NELL1: variants seen among roughly 807,000 people sequenced by gnomAD.
The protein encoded by NELL1 is neural EGFL like 1, also known as protein kinase C-binding protein NELL1.
In NELL1, 76 loss-of-function variants were observed where a neutral mutation model predicts 107.4. That is an observed-to-expected ratio of 0.71 (90% CI 0.59 to 0.86). The LOEUF (loss-of-function observed/expected upper bound fraction) is 0.86. Ranked by LOEUF, NELL1 falls within the 40% of genes least tolerant of loss-of-function variation. The pLI is 0.00. For synonymous variants in NELL1, 353 were observed against 341.2 expected (o/e 1.03, Z -0.38); for missense variants, 1,024 against 1,005.5 (o/e 1.02, Z -0.25).
intron 15 of NELL1, among the ~76,000 whole-genome samples, chr11:21,419,833 G>A (rs1433637545): frequency 6.6e-6 from 1 of 152,144 alleles, no homozygotes; most frequent in Non-Finnish European, 1.5e-5. Context: ...CTTTCATGAA[G>A]TACAGATCAT....
chr11:20,812,575 T>A (rs1312206648), intron 3 of NELL1, among the ~76,000 whole-genome samples: 1 of 152,198 alleles, frequency 6.6e-6, no homozygotes, highest in African/African-American at 2.4e-5. Flanking sequence ...CATGCTAAGA[T>A]GGTTATTTTT....
intron 12 of NELL1, among the ~76,000 whole-genome samples, chr11:21,112,595 C>T (rs772541339): frequency 2.6e-5 from 4 of 151,914 alleles, no homozygotes; most frequent in East Asian, 1.9e-4. Flanking sequence ...GACTATAAAA[C>T]GGGAGTAGTG....
At chr11:21,312,104 G>T (rs1849762569) in intron 14 of NELL1, among the ~76,000 whole-genome samples, 1 of 152,114 alleles carries the variant, frequency 6.6e-6, no homozygotes, top group Non-Finnish European at 1.5e-5. Context: ...AGCCTCCAGA[G>T]AATTCAATTT....
chr11:21,361,383 G>A (rs984422796), intron 14 of NELL1, among the ~76,000 whole-genome samples: 1 of 149,744 alleles, frequency 6.7e-6, no homozygotes, highest in Non-Finnish European at 1.5e-5. Flanking sequence ...TCCTTTATAG[G>A]TTAACTGATA....
intron 14 of NELL1, among the ~76,000 whole-genome samples, chr11:21,255,150 G>T (rs1208705522): frequency 6.6e-6 from 1 of 152,054 alleles, no homozygotes; most frequent in East Asian, 1.9e-4. Flanking sequence ...GGTCTTAAAA[G>T]AACTATTCGG....
At chr11:21,078,534 A>G (rs192279892) in intron 12 of NELL1, among the ~76,000 whole-genome samples, 2 of 152,278 alleles carry the variant, frequency 1.3e-5, no homozygotes, top group Admixed American at 1.3e-4. Flanking sequence ...TCATGGTGCA[A>G]CCGCAAGGGA....
At chr11:20,967,073 C>T (rs116833981) in intron 12 of NELL1, among the ~76,000 whole-genome samples, 3,277 of 152,092 alleles carry the variant, frequency 0.022, 118 homozygotes, top group African/African-American at 0.074. Context: ...TTTTTTACCA[C>T]GCTTCATGCT....
At chr11:21,178,008 T>C (rs1472732146) in intron 13 of NELL1, among the ~76,000 whole-genome samples, 2 of 151,916 alleles carry the variant, frequency 1.3e-5, no homozygotes, top group African/African-American at 4.9e-5. Context: ...TTATATACTT[T>C]GAATATTACT....
chr11:21,221,244 G>A (rs898294267), intron 13 of NELL1, among the ~76,000 whole-genome samples: 1 of 152,150 alleles, frequency 6.6e-6, no homozygotes, highest in African/African-American at 2.4e-5. Context: ...CTTGATCATG[G>A]TGTATAATCT....
At chr11:21,311,262 C>T (rs956909389) in intron 14 of NELL1, among the ~76,000 whole-genome samples, 1 of 152,072 alleles carries the variant, frequency 6.6e-6, no homozygotes, top group Non-Finnish European at 1.5e-5. Context: ...AGAAAGACAG[C>T]ATAAATCTGT....
chr11:21,112,461 T>G (rs186669158), intron 12 of NELL1, among the ~76,000 whole-genome samples: 1 of 152,024 alleles, frequency 6.6e-6, no homozygotes, highest in Admixed American at 6.6e-5. Flanking sequence ...TAATCACCAT[T>G]TTCAAGAAGC....
chr11:21,325,659 C>G (rs560841363), intron 14 of NELL1, among the ~76,000 whole-genome samples: 1 of 151,806 alleles, frequency 6.6e-6, no homozygotes, highest in Admixed American at 6.6e-5. Flanking sequence ...CAGTGAAATA[C>G]GTAAATCACA....
chr11:21,405,544 T>G (rs1852215116), intron 15 of NELL1, among the ~76,000 whole-genome samples: 1 of 151,974 alleles, frequency 6.6e-6, no homozygotes, highest in Admixed American at 6.6e-5. Context: ...CATAAGAAAG[T>G]TGGCCAAAAC....
chr11:20,781,538 T>TG (rs200452594), intron 2 of NELL1, among the ~76,000 whole-genome samples: 1,929 of 152,318 alleles, frequency 0.013, 17 homozygotes, highest in Admixed American at 0.02. Context: ...CAGCAGGCAT[T>TG]GCTGATCGCT....
chr11:20,837,733 A>G (rs1848559208), intron 3 of NELL1, among the ~76,000 whole-genome samples: 3 of 152,178 alleles, frequency 2.0e-5, no homozygotes, highest in African/African-American at 7.2e-5. Flanking sequence ...TAAAGCTGGA[A>G]CAATTTGAGC....
intron 13 of NELL1, among the ~76,000 whole-genome samples, chr11:21,204,083 G>A (rs2133851910): frequency 6.6e-6 from 1 of 152,154 alleles, no homozygotes; most frequent in Non-Finnish European, 1.5e-5. Flanking sequence ...TGACAATTAT[G>A]TGTCTTGGGG....
intron 4 of NELL1, among the ~76,000 whole-genome samples, chr11:20,872,174 T>A (rs1450687834): frequency 7.0e-6 from 1 of 143,310 alleles, no homozygotes; most frequent in Non-Finnish European, 1.5e-5. Flanking sequence ...ATCAGAGATT[T>A]TTTTTTTTTT....
chr11:21,315,379 G>A (rs1849855088), intron 14 of NELL1, among the ~76,000 whole-genome samples: 1 of 152,158 alleles, frequency 6.6e-6, no homozygotes, highest in South Asian at 2.1e-4. Context: ...AGACACAAGG[G>A]TCGATTGGAA....
intron 12 of NELL1, among the ~76,000 whole-genome samples, chr11:20,978,621 A>C (rs776446179): frequency 6.6e-6 from 1 of 152,174 alleles, no homozygotes; most frequent in Non-Finnish European, 1.5e-5. Flanking sequence ...AGTCTCCCAT[A>C]GATTCAGGCA....
Sources: gnomAD v4.1 joint callset for allele counts (sites outside exome capture counted in the v4.1 genomes callset) on GRCh38, gnomAD v4.1.1 for gene constraint, MANE v1.5 for transcripts, NCBI Gene and HGNC (gene_info 2026-07-23, HGNC 2026-07-21) for gene names.